Variants in SLC24A3 observed in about 807,000 individuals in gnomAD.
The protein encoded by SLC24A3 is sodium/potassium/calcium exchanger 3.
In SLC24A3, 28 loss-of-function variants were observed where a neutral mutation model predicts 75.8. The observed-to-expected ratio is 0.37, with a 90% CI of 0.27 to 0.51. The LOEUF is 0.51. SLC24A3 is among the 20% of genes least tolerant of loss of function. The probability of loss-of-function intolerance (pLI) is 0.94; values close to 1 mark genes in which losing one functional copy is unlikely to be tolerated. For missense variants in SLC24A3, 663 were observed against 847.8 expected (o/e 0.78, Z 2.71); for synonymous variants, 372 against 334.1 (o/e 1.11, Z -1.24).
chr20:19,418,806 G>A (rs1003135339), intron 2 of SLC24A3, among the ~76,000 whole-genome samples: 1 of 152,138 alleles, frequency 6.6e-6, no homozygotes, highest in African/African-American at 2.4e-5. Context: ...AAACCAAATA[G>A]CAAAACAGTC....
intron 3 of SLC24A3, among the ~76,000 whole-genome samples, chr20:19,570,463 CCTGGTACTGGTTAGA>C (rs1421467179): frequency 6.6e-6 from 1 of 152,088 alleles, no homozygotes; most frequent in Non-Finnish European, 1.5e-5. Context: ...CCATGCAGCA[CCTGGTACTGGTTAGA>C]AATGGAGATC....
chr20:19,352,054 C>A (rs532628989), intron 2 of SLC24A3, among the ~76,000 whole-genome samples: 2 of 146,386 alleles, frequency 1.4e-5, no homozygotes, highest in African/African-American at 2.6e-5. Context: ...CAGGACAGGG[C>A]AGGGGAGGGG....
intron 2 of SLC24A3, among the ~76,000 whole-genome samples, chr20:19,493,192 G>A (rs1306777189): frequency 6.6e-6 from 1 of 152,180 alleles, no homozygotes; most frequent in Non-Finnish European, 1.5e-5. Flanking sequence ...CCATTTCTTT[G>A]TCAGTTATCT....
intron 15 of SLC24A3, among the ~76,000 whole-genome samples, chr20:19,707,880 A>G (rs966844261): frequency 6.6e-6 from 1 of 152,238 alleles, no homozygotes; most frequent in Non-Finnish European, 1.5e-5. Context: ...TAGGTAGTGG[A>G]AATGATAGGT....
intron 2 of SLC24A3, among the ~76,000 whole-genome samples, chr20:19,306,709 A>G (rs1984340752): frequency 6.6e-6 from 1 of 152,068 alleles, no homozygotes; most frequent in Non-Finnish European, 1.5e-5. Context: ...AGAGGGGGAA[A>G]GTAGGGAGGG....
chr20:19,355,811 G>A (rs1185897842), intron 2 of SLC24A3, among the ~76,000 whole-genome samples: 2 of 152,154 alleles, frequency 1.3e-5, no homozygotes, highest in South Asian at 2.1e-4. Flanking sequence ...ATTTTGAGAT[G>A]CCTGCTACAT....
chr20:19,594,780 T>C (rs2031430101), intron 6 of SLC24A3, among the ~76,000 whole-genome samples: 1 of 152,006 alleles, frequency 6.6e-6, no homozygotes, highest in Admixed American at 6.6e-5. Flanking sequence ...AGGGAGAAGA[T>C]ATATGGAGTC....
intron 2 of SLC24A3, among the ~76,000 whole-genome samples, chr20:19,334,408 G>A (rs890663073): frequency 9.3e-5 from 14 of 151,218 alleles, no homozygotes; most frequent in Admixed American, 2.6e-4. Context: ...GCATACAAAA[G>A]TATATGAAGT....
At chr20:19,626,213 A>G (rs2031864446) in intron 6 of SLC24A3, among the ~76,000 whole-genome samples, 1 of 152,208 alleles carries the variant, frequency 6.6e-6, no homozygotes, top group South Asian at 2.1e-4. Context: ...ACTTGACATG[A>G]TCCTGCTCAT....
chr20:19,442,988 A>G (rs1987321029), intron 2 of SLC24A3, among the ~76,000 whole-genome samples: 1 of 152,188 alleles, frequency 6.6e-6, no homozygotes, highest in Admixed American at 6.5e-5. Flanking sequence ...CTTGTCAGAG[A>G]TCAATTGACT....
chr20:19,628,202 C>CAAAAAAAAAAAAAAAAAAAAA (rs776701707), intron 6 of SLC24A3, among the ~76,000 whole-genome samples: 3 of 51,832 alleles, frequency 5.8e-5, no homozygotes, highest in African/African-American at 1.1e-4. Flanking sequence ...GACTCCATCT[C>CAAAAAAAAAAAAAAAAAAAAA]AAAAAAAAAA....
At chr20:19,469,145 A>G (rs1987820680) in intron 2 of SLC24A3, among the ~76,000 whole-genome samples, 1 of 152,080 alleles carries the variant, frequency 6.6e-6, no homozygotes. Flanking sequence ...TGGCATCACC[A>G]TGATTGTGAC....
At chr20:19,298,358 G>T (rs1002290497) in intron 2 of SLC24A3, among the ~76,000 whole-genome samples, 1 of 152,142 alleles carries the variant, frequency 6.6e-6, no homozygotes, top group Non-Finnish European at 1.5e-5. Context: ...TTTATGTGTT[G>T]GTTCCTGACA....
chr20:19,674,778 C>T (rs920797400), intron 9 of SLC24A3, among the ~76,000 whole-genome samples: 3 of 152,192 alleles, frequency 2.0e-5, no homozygotes, highest in Non-Finnish European at 4.4e-5. Flanking sequence ...ATTTGCCAGG[C>T]GCAGTGGCTC....
intron 2 of SLC24A3, among the ~76,000 whole-genome samples, chr20:19,418,992 C>T (rs372737349): frequency 3.5e-4 from 53 of 152,278 alleles, no homozygotes; most frequent in African/African-American, 1.3e-3. Flanking sequence ...TCATTGGCCA[C>T]CTTTGGAAGA....
At chr20:19,614,583 G>T (rs1405515529) in intron 6 of SLC24A3, among the ~76,000 whole-genome samples, 1 of 152,182 alleles carries the variant, frequency 6.6e-6, no homozygotes, top group Non-Finnish European at 1.5e-5. Context: ...GTTATTCTGG[G>T]CCACAAAGAT....
intron 6 of SLC24A3, among the ~76,000 whole-genome samples, chr20:19,628,811 T>C (rs986550580): frequency 7.2e-5 from 11 of 152,128 alleles, no homozygotes; most frequent in Non-Finnish European, 1.5e-4. Context: ...CCAGAGATGA[T>C]GCAACCGCTG....
intron 6 of SLC24A3, among the ~76,000 whole-genome samples, chr20:19,649,373 A>G (rs1328492262): frequency 1.3e-5 from 2 of 152,138 alleles, no homozygotes; most frequent in Admixed American, 1.3e-4. Flanking sequence ...GTGGTGTTTT[A>G]TTTTTGTAAA....
chr20:19,681,361 C>T (rs910262686), intron 9 of SLC24A3, among the ~76,000 whole-genome samples: 8 of 152,178 alleles, frequency 5.3e-5, no homozygotes, highest in African/African-American at 9.7e-5. Flanking sequence ...GACGGCCAAC[C>T]GGACTGTAGC....
Sources: gnomAD v4.1 joint callset for allele counts (sites outside exome capture counted in the v4.1 genomes callset) on GRCh38, gnomAD v4.1.1 for gene constraint, MANE v1.5 for transcripts, NCBI Gene and HGNC (gene_info 2026-07-23, HGNC 2026-07-21) for gene names.